Variants in PRKCE observed in about 807,000 individuals in gnomAD.
PRKCE encodes the protein protein kinase C epsilon, also known as protein kinase C epsilon type.
Under a neutral mutation model 85.4 loss-of-function variants are expected in PRKCE, and 16 were observed. The observed-to-expected ratio is 0.19, with a 90% confidence interval of 0.13 to 0.28. The LOEUF (loss-of-function observed/expected upper bound fraction) is 0.28. PRKCE is among the 10% of genes least tolerant of loss of function. The pLI, the probability that PRKCE is intolerant of heterozygous loss-of-function variation, is 1.00. For synonymous variants in PRKCE, 388 were observed against 371.5 expected (o/e 1.04, Z -0.51); for missense variants, 573 against 975.2 (o/e 0.59, Z 5.49).
intron 13 of PRKCE, 90 bp downstream of exon 13, chr2:46,151,319 ACACACT>A: frequency 9.8e-7 from 1 of 1,020,104 alleles, no homozygotes; most frequent in Non-Finnish European, 1.4e-6. Context: ...ACACACACAC[ACACACT>A]CCCTTCTCCC....
chr2:46,154,453 C>A (rs1288545748), intron 13 of PRKCE, among the ~76,000 whole-genome samples: 2 of 136,638 alleles, frequency 1.5e-5, no homozygotes, highest in African/African-American at 5.5e-5. Flanking sequence ...CCCCACCCCG[C>A]CCCACCCCCC....
intron 10 of PRKCE, among the ~76,000 whole-genome samples, chr2:46,060,336 T>C (rs1666983571): frequency 6.6e-6 from 1 of 152,152 alleles, no homozygotes; most frequent in Non-Finnish European, 1.5e-5. Context: ...TCCTGGGCAC[T>C]GCCCGGGCAG....
At chr2:45,746,652 T>A (rs73926052) in intron 1 of PRKCE, among the ~76,000 whole-genome samples, 1 of 152,328 alleles carries the variant, frequency 6.6e-6, no homozygotes, top group African/African-American at 2.4e-5. Context: ...GCCCGTAATA[T>A]TCTCCGTATT....
chr2:45,918,716 C>T (rs1354083929), intron 2 of PRKCE, among the ~76,000 whole-genome samples: 1 of 152,154 alleles, frequency 6.6e-6, no homozygotes, highest in Non-Finnish European at 1.5e-5. Flanking sequence ...TTTCATGGGC[C>T]AGAGTCCTCT....
chr2:46,060,344 C>T (rs1666985460), intron 10 of PRKCE, among the ~76,000 whole-genome samples: 1 of 152,168 alleles, frequency 6.6e-6, no homozygotes, highest in African/African-American at 2.4e-5. Flanking sequence ...ACTGCCCGGG[C>T]AGCCCAAGAA....
chr2:45,792,109 G>A (rs1222723692), intron 1 of PRKCE, among the ~76,000 whole-genome samples: 1 of 152,200 alleles, frequency 6.6e-6, no homozygotes, highest in Non-Finnish European at 1.5e-5. Flanking sequence ...GCCTGGTGCT[G>A]GCATCTGCTT....
At chr2:46,097,093 G>C (rs1238658149) in intron 11 of PRKCE, among the ~76,000 whole-genome samples, 2 of 152,148 alleles carry the variant, frequency 1.3e-5, no homozygotes, top group Non-Finnish European at 2.9e-5. Context: ...TAAGGGCCCA[G>C]ATCTCACAAC....
chr2:45,834,789 G>A (rs911596113), intron 1 of PRKCE, among the ~76,000 whole-genome samples: 3 of 152,130 alleles, frequency 2.0e-5, no homozygotes, highest in African/African-American at 7.2e-5. Context: ...ACCATATGAT[G>A]TACCATAATT....
At chr2:45,938,102 G>A (rs541855787) in intron 2 of PRKCE, among the ~76,000 whole-genome samples, 1 of 152,266 alleles carries the variant, frequency 6.6e-6, no homozygotes, top group African/African-American at 2.4e-5. Context: ...GGATTCTCAG[G>A]AGCCAGTGTT....
chr2:46,180,689 C>T (rs1340793524), intron 14 of PRKCE, among the ~76,000 whole-genome samples: 1 of 152,198 alleles, frequency 6.6e-6, no homozygotes, highest in Non-Finnish European at 1.5e-5. Context: ...ATTGAGTGCA[C>T]TCTGTATGCC....
intron 1 of PRKCE, among the ~76,000 whole-genome samples, chr2:45,819,498 C>T (rs547175427): frequency 6.6e-6 from 1 of 152,196 alleles, no homozygotes; most frequent in African/African-American, 2.4e-5. Context: ...TCTGTCCCTC[C>T]AAGGCTCAAG....
chr2:46,072,860 A>G (rs1668195227), intron 10 of PRKCE, among the ~76,000 whole-genome samples: 1 of 152,190 alleles, frequency 6.6e-6, no homozygotes, highest in Non-Finnish European at 1.5e-5. Context: ...CTTTAGTTAG[A>G]TTTACCAACA....
chr2:46,171,075 A>T (rs541324494), intron 14 of PRKCE, among the ~76,000 whole-genome samples: 1 of 152,230 alleles, frequency 6.6e-6, no homozygotes, highest in Admixed American at 6.5e-5. Flanking sequence ...TTTCTTACCC[A>T]CTTCCAGCTG....
intron 1 of PRKCE, among the ~76,000 whole-genome samples, chr2:45,711,034 C>A (rs1400672379): frequency 6.6e-6 from 1 of 152,194 alleles, no homozygotes; most frequent in Non-Finnish European, 1.5e-5. Flanking sequence ...CTGCCCCCTC[C>A]CTGTCCCCTG....
intron 11 of PRKCE, among the ~76,000 whole-genome samples, chr2:46,104,429 A>T (rs1403168874): frequency 6.6e-6 from 1 of 151,716 alleles, no homozygotes; most frequent in African/African-American, 2.4e-5. Flanking sequence ...TTCAGGCTTA[A>T]TGGCTTTCAT....
intron 2 of PRKCE, among the ~76,000 whole-genome samples, chr2:45,924,328 C>T (rs1239553652): frequency 6.6e-6 from 1 of 152,088 alleles, no homozygotes; most frequent in African/African-American, 2.4e-5. Context: ...AATCCTTGCG[C>T]CAATTTTGAG....
chr2:46,031,973 T>G (rs1177639170), intron 10 of PRKCE, among the ~76,000 whole-genome samples: 1 of 152,204 alleles, frequency 6.6e-6, no homozygotes, highest in Non-Finnish European at 1.5e-5. Flanking sequence ...TTTGAACATT[T>G]ACTTTTCAGA....
chr2:45,810,569 T>C (rs1447415320), intron 1 of PRKCE, among the ~76,000 whole-genome samples: 1 of 151,852 alleles, frequency 6.6e-6, no homozygotes, highest in Non-Finnish European at 1.5e-5. Context: ...GTTAACTTCA[T>C]CTCCATTGGA....
chr2:45,653,554 G>C (rs1347386697), intron 1 of PRKCE, among the ~76,000 whole-genome samples: 1 of 152,094 alleles, frequency 6.6e-6, no homozygotes, highest in East Asian at 1.9e-4. Context: ...AGCCTCAAAA[G>C]TGGTGTAGAG....
Sources: allele counts gnomAD v4.1 joint callset (sites outside exome capture counted in the v4.1 genomes callset), GRCh38; gene constraint gnomAD v4.1.1; transcripts MANE v1.5; gene names NCBI Gene and HGNC (gene_info 2026-07-23, HGNC 2026-07-21).